Variants in PLCB4 observed in about 807,000 individuals in gnomAD.
The protein encoded by PLCB4 is 1-phosphatidylinositol 4,5-bisphosphate phosphodiesterase beta-4.
Under a neutral mutation model 178.8 loss-of-function variants are expected in PLCB4, and 77 were observed. The ratio of observed to expected loss-of-function variants is 0.43; its 90% CI spans 0.36 to 0.52. The LOEUF is 0.52. Among genes scored for constraint, PLCB4 ranks in the 20% least tolerant of loss-of-function variants. PLCB4 has a pLI of 0.00. For synonymous variants in PLCB4, 496 were observed against 490.8 expected, an observed-to-expected ratio of 1.01 and a Z score of -0.14; for missense variants, 1,024 against 1,453.4, an observed-to-expected ratio of 0.70 and a Z score of 4.80.
At chr20:9,208,871 G>A (rs1016838258) in intron 2 of PLCB4, among the ~76,000 whole-genome samples, 6 of 152,184 alleles carry the variant, frequency 3.9e-5, no homozygotes, top group African/African-American at 1.2e-4. Context: ...GTGTGGTTAT[G>A]TATATGCTGC....
rs181308971 is a variant in PLCB4, at chr20:9,101,867, T to A, written c.-79+5525T>A. Among the ~76,000 whole-genome samples the A allele has an allele frequency of 4.6e-3, 687 of 150,732 alleles. 4 individuals are homozygous for A. Among genetic ancestry groups the A allele is most frequent in the Admixed American group, 0.015 (232 of 15,078 alleles). ...TCAGCTTTTTTTTTTTTTTTTGAGA[T>A]GGAGTTTTGCTCTGTCACCCGGGTT... On this transcript the variant is annotated intron_variant, in intron 2 of 39. Transcript: ENST00000378473.
intron 4 of PLCB4, among the ~76,000 whole-genome samples, chr20:9,328,890 TC>T (rs1232890813): frequency 6.6e-6 from 1 of 152,188 alleles, no homozygotes; most frequent in African/African-American, 2.4e-5. Context: ...CAGAAAGGGC[TC>T]CTGGAGAAAA....
At chr20:9,153,714 T>G (rs1447188701) in intron 2 of PLCB4, among the ~76,000 whole-genome samples, 1 of 152,136 alleles carries the variant, frequency 6.6e-6, no homozygotes, top group East Asian at 1.9e-4. Context: ...CCCAGGTACG[T>G]TTTCATTCAG....
chr20:9,389,832 AT>A (rs536858866), intron 15 of PLCB4, 46 bp from the exon 16 acceptor site: 6 of 1,058,116 alleles, frequency 5.7e-6, no homozygotes, highest in Non-Finnish European at 8.6e-6. Flanking sequence ...GGGTGCCTTA[AT>A]TTTTTTGCTC....
chr20:9,252,612 C>T (rs1343621306), intron 3 of PLCB4, among the ~76,000 whole-genome samples: 1 of 152,082 alleles, frequency 6.6e-6, no homozygotes, highest in African/African-American at 2.4e-5. Context: ...GTCAACTTGA[C>T]TGGGCTAAGG....
Position 9,136,099 on chromosome 20 carries a change from C to A in PLCB4, c.-79+39757C>A, listed in dbSNP as rs948252906. ...TTTAGTGCAGAGTAAAAACTGTAGG[C>A]AGCATTTCTTATACACATAAATGCA... On this transcript the variant is annotated intron_variant, in intron 2 of 39. Transcript: ENST00000378473. Among the ~76,000 whole-genome samples, 3 of 152,148 alleles carry A rather than the reference C, an allele frequency of 2.0e-5. No homozygotes were observed. The East Asian group carries it at 5.8e-4, about 29-fold the overall frequency.
chr20:9,263,718 C>G (rs1490246876), intron 3 of PLCB4, among the ~76,000 whole-genome samples: 1 of 152,202 alleles, frequency 6.6e-6, no homozygotes, highest in African/African-American at 2.4e-5. Context: ...CCTCACTGAG[C>G]TCTTATTTAA....
At chr20:9,345,463 T>C (rs1020916643) in intron 7 of PLCB4, among the ~76,000 whole-genome samples, 1 of 152,208 alleles carries the variant, frequency 6.6e-6, no homozygotes, top group Non-Finnish European at 1.5e-5. Context: ...GCAGTTCAGA[T>C]GTCTTTCATT....
chr20:9,138,946 A>G (rs567824040), intron 2 of PLCB4, among the ~76,000 whole-genome samples: 2 of 152,274 alleles, frequency 1.3e-5, no homozygotes, highest in East Asian at 1.9e-4. Context: ...ACTATAGTAC[A>G]TGGGTATTAT....
intron 21 of PLCB4, 59 bp from the exon 22 acceptor site, chr20:9,407,858 C>T: frequency 4.2e-6 from 6 of 1,444,452 alleles, no homozygotes; most frequent in Non-Finnish European, 2.8e-6. Flanking sequence ...ATCTGCAGCA[C>T]GTATCCGTGG....
rs1379409821 is a variant in PLCB4, at chr20:9,227,276, A to C, written c.-16+9824A>C. 2.0e-5 allele frequency among the ~76,000 whole-genome samples: 3 copies of C among 152,032 alleles called. No homozygotes were observed. In the East Asian group the frequency reaches 5.8e-4, roughly 29 times the overall value. On this transcript the variant is annotated intron_variant, in intron 3 of 39. Transcript: ENST00000378473. ...TAGACTGTCTTTTCATTTTCTTGAT[A>C]ACATCTTTTGATACACAAAAGTTTT...
chr20:9,158,881 T>C (rs1219840662), intron 2 of PLCB4, among the ~76,000 whole-genome samples: 3 of 152,204 alleles, frequency 2.0e-5, no homozygotes, highest in Non-Finnish European at 4.4e-5. Flanking sequence ...GTCTGTCTTA[T>C]TCCATACTGA....
Position 9,087,991 on chromosome 20 carries a change from C to T in PLCB4, c.-134-8296C>T, listed in dbSNP as rs537322765. On this transcript the variant is annotated intron_variant, in intron 1 of 39. Coordinates refer to ENST00000378473, the MANE Select transcript of PLCB4 (RefSeq NM_001377142.1). ...AGGAAAACTCTCATCTTAACACCAT[C>T]AGACCCCGAGGGCACAGCCTGCTTC... Among the ~76,000 whole-genome samples, 379 of 152,252 alleles carry T rather than the reference C, an allele frequency of 2.5e-3. 1 individual carries two copies. The highest frequency in any genetic ancestry group is 8.5e-3 in the African/African-American group (352 of 41,540).
intron 2 of PLCB4, among the ~76,000 whole-genome samples, chr20:9,127,856 TG>T (rs528428056): frequency 1.0e-3 from 157 of 152,248 alleles, no homozygotes; most frequent in African/African-American, 3.5e-3. Flanking sequence ...GGCTACTTTT[TG>T]TATTTTTTTA....
chr20:9,112,889 T>TTTTA (rs376483903), intron 2 of PLCB4, among the ~76,000 whole-genome samples: 24 of 151,160 alleles, frequency 1.6e-4, no homozygotes, highest in Non-Finnish European at 2.5e-4. Context: ...TTGCCCTTTT[T>TTTTA]AAAAAAAAAT....
At chr20:9,316,077 G>A (rs917824562) in intron 4 of PLCB4, among the ~76,000 whole-genome samples, 2 of 152,170 alleles carry the variant, frequency 1.3e-5, no homozygotes, top group Admixed American at 1.3e-4. Flanking sequence ...AGGGTGGAGT[G>A]AGCATCATGG....
At chr20:9,254,386 A>T (rs2094211905) in intron 3 of PLCB4, among the ~76,000 whole-genome samples, 1 of 152,166 alleles carries the variant, frequency 6.6e-6, no homozygotes, top group Admixed American at 6.5e-5. Flanking sequence ...TAAAGTTTTG[A>T]TGTAGGATTA....
intron 4 of PLCB4, among the ~76,000 whole-genome samples, chr20:9,336,913 G>A (rs2032549098): frequency 6.6e-6 from 1 of 152,000 alleles, no homozygotes; most frequent in South Asian, 2.1e-4. Flanking sequence ...ACCTATCCTA[G>A]AGCAAGATGT....
At chr20:9,228,456 C>A (rs374335763) in intron 3 of PLCB4, among the ~76,000 whole-genome samples, 1 of 152,052 alleles carries the variant, frequency 6.6e-6, no homozygotes, top group Admixed American at 6.6e-5. Flanking sequence ...GTCTGTGGAT[C>A]CTTAGCAACT....
Sources: gnomAD v4.1 joint callset for allele counts (sites outside exome capture counted in the v4.1 genomes callset) on GRCh38, gnomAD v4.1.1 for gene constraint, MANE v1.5 for transcripts, NCBI Gene and HGNC (gene_info 2026-07-23, HGNC 2026-07-21) for gene names.